The following PPFIA4 variants were observed in gnomAD, a reference collection of about 807,000 sequenced individuals.
PPFIA4 encodes the protein liprin-alpha-4.
A neutral mutation model predicts 145.7 loss-of-function variants in PPFIA4; 98 were observed. The ratio of observed to expected loss-of-function variants is 0.67; its 90% CI spans 0.57 to 0.80. The LOEUF (loss-of-function observed/expected upper bound fraction) is 0.80. Ranked by LOEUF, PPFIA4 falls within the 30% of genes least tolerant of loss-of-function variation. PPFIA4 has a pLI of 0.00. For synonymous variants in PPFIA4, 628 were observed against 649.6 expected (o/e 0.97, Z 0.51); for missense variants, 1,457 against 1,632.7 (o/e 0.89, Z 1.85).
rs1013051051 is a variant in PPFIA4 at position 203,038,800 on chromosome 1, C to T, written c.-209C>T. On this transcript the variant is annotated 5_prime_UTR_variant, in exon 2 of 30. Transcript: ENST00000295706. Reference sequence around the variant, plus strand: ...CCCAGCCCTGAGAAGTTAAGCCAGGCCTTCTGGCTCAGTTCCACAGGGGCA... The same window carrying T: ...CCCAGCCCTGAGAAGTTAAGCCAGGTCTTCTGGCTCAGTTCCACAGGGGCA... 5.8e-5 allele frequency: 26 copies of T among 449,274 alleles called. No individual in the cohort carries two copies. Among genetic ancestry groups the T allele is most frequent in the African/African-American group, 5.1e-4 (25 of 48,862 alleles). The allele number at this position is 449,274 out of a possible 1,614,324, so 27.8% of individuals were successfully genotyped here. A position where few individuals can be genotyped will look rare whatever the true frequency, so the allele number is the denominator to read the frequency against.
intron 1 of PPFIA4, among the ~76,000 whole-genome samples, chr1:203,033,721 A>T (rs1352279982): frequency 1.3e-5 from 2 of 152,122 alleles, no homozygotes; most frequent in Non-Finnish European, 2.9e-5. Flanking sequence ...GCTCACACCT[A>T]TAATACTAGC....
rs965760715 is a variant in PPFIA4, at chr1:203,068,358, C to T, written c.3149-95C>T. ...GGGGGTCAGAGAGCAGGGTGGACTG[C>T]GGCTCTGGGTTTAGGGAGCTCTGCT... On this transcript the variant is annotated intron_variant, in intron 26 of 29. Transcript: ENST00000295706. This position sits in a 1 kb window ranked among gnomAD's most constrained non-coding sequence, Gnocchi z 4.7. 37 of 1,108,190 alleles carry T rather than the reference C, an allele frequency of 3.3e-5. No individual in the cohort carries two copies. In the Admixed American group the frequency reaches 3.4e-4, roughly 10 times the overall value. 68.6% of individuals were successfully genotyped at this position (1,108,190 alleles called of 1,614,324 possible). A position where few individuals can be genotyped will look rare whatever the true frequency, so the allele number is the denominator to read the frequency against.
rs1558100242 is a variant in PPFIA4 at position 203,068,352 on chromosome 1, G to A, written c.3149-101G>A. ...TGGAGTGGGGGTCAGAGAGCAGGGT[G>A]GACTGCGGCTCTGGGTTTAGGGAGC... On this transcript the variant is annotated intron_variant, in intron 26 of 29. Transcript: ENST00000295706. The surrounding 1 kb of genome is among the most constrained non-coding windows in gnomAD (Gnocchi z 4.7). 2.0e-6 allele frequency: 2 copies of A among 1,018,618 alleles called. No homozygotes were observed. Among genetic ancestry groups the A allele is most frequent in the Non-Finnish European group, 1.4e-6 (1 of 719,382 alleles). 63.1% of individuals were successfully genotyped at this position (1,018,618 alleles called of 1,614,324 possible).
intron 13 of PPFIA4, 131 bp from the exon 14 acceptor site, chr1:203,051,638 G>A: frequency 6.9e-7 from 1 of 1,452,988 alleles, no homozygotes. Flanking sequence ...AGACATTTGT[G>A]ACAGCTCTGT....
intron 25 of PPFIA4, among the ~76,000 whole-genome samples, chr1:203,064,996 A>G (rs1313434141): frequency 6.6e-6 from 1 of 152,218 alleles, no homozygotes; most frequent in Non-Finnish European, 1.5e-5. Flanking sequence ...TAAGACCAGG[A>G]GTAGGGGTCT....
intron 26 of PPFIA4, 74 bp downstream of exon 26, chr1:203,067,866 G>A (rs970790436): frequency 7.8e-7 from 1 of 1,279,836 alleles, no homozygotes; most frequent in Middle Eastern, 2.0e-4. Context: ...CAAGTGGAGG[G>A]GAGGCATTCT....
chr1:203,042,687 A>G (rs1361510979), intron 2 of PPFIA4, among the ~76,000 whole-genome samples: 1 of 152,052 alleles, frequency 6.6e-6, no homozygotes, highest in African/African-American at 2.4e-5. Context: ...CCCAGGCTGG[A>G]GTGCAGTGGT....
chr1:203,027,835 C>G (rs1658516197), intron 1 of PPFIA4, among the ~76,000 whole-genome samples: 1 of 152,234 alleles, frequency 6.6e-6, no homozygotes, highest in Non-Finnish European at 1.5e-5. Context: ...CATCCCCATT[C>G]TGTTACATTG....
Position 203,048,280 on chromosome 1 carries a change from G to C in PPFIA4, c.1194G>C (p.Gln398His). 2 of 1,612,844 alleles carry C rather than the reference G, an allele frequency of 1.2e-6. No individual in the cohort carries two copies. Among genetic ancestry groups the C allele is most frequent in the African/African-American group, 2.7e-5 (2 of 75,048 alleles). ...IEEHLRQLEG[Q>H]LEEKNQELAR... ...AGCACCTGCGGCAGCTGGAGGGACA[G>C]CTGGAGGAGAAGAACCAGGAGCTGG... The change falls in exon 10 of 30, where the codon CAG (glutamine) becomes CAC (histidine). Residue 398 changes from glutamine (Q) to histidine (H), a missense_variant. Gln to His is a conservative substitution (Grantham distance 24). Coordinates refer to ENST00000295706, the MANE Select transcript of PPFIA4 (RefSeq NM_001304331.2). The surrounding 1 kb of genome is among the most constrained non-coding windows in gnomAD (Gnocchi z 5.8).
At chr1:203,037,909 C>T (rs1376879439) in intron 1 of PPFIA4, among the ~76,000 whole-genome samples, 2 of 152,210 alleles carry the variant, frequency 1.3e-5, no homozygotes, top group East Asian at 3.8e-4. Flanking sequence ...GAATCCAAGC[C>T]TGCTGTCTGC....
intron 5 of PPFIA4, 101 bp downstream of exon 5, chr1:203,044,554 C>A: frequency 7.0e-7 from 1 of 1,418,730 alleles, no homozygotes; most frequent in Non-Finnish European, 9.6e-7. Flanking sequence ...CCTGCCATGG[C>A]TGGAAGCTGC....
chr1:203,034,058 T>A (rs1659036053), intron 1 of PPFIA4, among the ~76,000 whole-genome samples: 1 of 152,020 alleles, frequency 6.6e-6, no homozygotes, highest in South Asian at 2.1e-4. Flanking sequence ...GGTCTACAGA[T>A]GAGATGATGT....
chr1:203,036,380 A>G, intron 1 of PPFIA4, among the ~76,000 whole-genome samples: 1 of 152,238 alleles, frequency 6.6e-6, no homozygotes, highest in East Asian at 1.9e-4. Flanking sequence ...TTCTTCCTTT[A>G]TGCTATGCTA....
intron 25 of PPFIA4, among the ~76,000 whole-genome samples, chr1:203,066,198 A>G (rs1242124099): frequency 6.6e-6 from 1 of 152,210 alleles, no homozygotes; most frequent in African/African-American, 2.4e-5. Context: ...ATTTCCAGTC[A>G]TGAGCTGTGT....
Position 203,075,363 on chromosome 1 carries a change from C to G in PPFIA4, c.3394-214C>G, listed in dbSNP as rs373525677. 1.2e-4 allele frequency among the ~76,000 whole-genome samples: 18 copies of G among 152,228 alleles called. 2 individuals are homozygous for G. The highest frequency in any genetic ancestry group is 7.8e-4 in the Admixed American group (12 of 15,300). On this transcript the variant is annotated intron_variant, in intron 28 of 29. Transcript: ENST00000295706. This position sits in a 1 kb window ranked among gnomAD's most constrained non-coding sequence, Gnocchi z 4.1. ...CCCACACACCCCCTCCATCCGCCAC[C>G]CAGAGACAGGGAATTTCAGAGTCGC...
intron 27 of PPFIA4, among the ~76,000 whole-genome samples, chr1:203,071,164 A>G (rs1662128238): frequency 7.6e-6 from 1 of 130,932 alleles, no homozygotes; most frequent in African/African-American, 2.9e-5. Context: ...TGTTGCCAAG[A>G]CTGCTATTTT....
chr1:203,055,717 A>G lies in PPFIA4; in HGVS notation c.2070+45A>G. 1.2e-6 allele frequency: 2 copies of G among 1,606,672 alleles called. No individual in the cohort carries two copies. The highest frequency in any genetic ancestry group is 2.2e-5 in the East Asian group (1 of 44,696). Reference sequence around the variant, plus strand: ...CAGGCCTGGCATCACTGGACCCTGCACCGGGGGAGGTTTTAAGGGATGGTA... The same window carrying G: ...CAGGCCTGGCATCACTGGACCCTGCGCCGGGGGAGGTTTTAAGGGATGGTA... On this transcript the variant is annotated intron_variant, in intron 16 of 29. Transcript: ENST00000295706. The surrounding 1 kb of genome is among the most constrained non-coding windows in gnomAD (Gnocchi z 4.8).
intron 1 of PPFIA4, among the ~76,000 whole-genome samples, chr1:203,027,310 G>A (rs1658477287): frequency 2.0e-5 from 3 of 152,214 alleles, no homozygotes; most frequent in African/African-American, 7.2e-5. Context: ...TTACGTCCAC[G>A]CAGTAGGGAT....
intron 25 of PPFIA4, among the ~76,000 whole-genome samples, chr1:203,066,040 G>C (rs940001353): frequency 6.6e-6 from 1 of 152,216 alleles, no homozygotes; most frequent in Non-Finnish European, 1.5e-5. Flanking sequence ...TGCAAGAGAG[G>C]TGTGACCCCA....
Sources: gnomAD v4.1 joint callset for allele counts (sites outside exome capture counted in the v4.1 genomes callset) on GRCh38, gnomAD v4.1.1 for gene constraint, Gnocchi (gnomAD v3.1) non-coding constraint, MANE v1.5 for transcripts, NCBI Gene and HGNC (gene_info 2026-07-23, HGNC 2026-07-21) for gene names.